Variants in NEK8 observed in about 807,000 individuals in gnomAD.
NEK8 encodes the protein NIMA related kinase 8.
A neutral mutation model predicts 77.2 loss-of-function variants in NEK8; 51 were observed. That is an observed-to-expected ratio of 0.66 (90% CI 0.53 to 0.83). The LOEUF is 0.83. NEK8 is among the 40% of genes least tolerant of loss of function. The pLI, the probability that NEK8 is intolerant of heterozygous loss-of-function variation, is 0.00. For missense variants in NEK8, 787 were observed against 909.2 expected (o/e 0.87, Z 1.73); for synonymous variants, 365 against 363.2 (o/e 1.00, Z -0.06).
chr17:28,735,063 C>T, intron 3 of NEK8, 59 bp downstream of exon 3: 3 of 1,514,382 alleles, frequency 2.0e-6, no homozygotes, highest in Non-Finnish European at 2.7e-6. Context: ...CAGGACCTAA[C>T]CCTGCCTCCT....
chr17:28,736,166 A>G lies in NEK8; in HGVS notation c.618+795A>G, dbSNP rs578192283. On this transcript the variant is annotated intron_variant, in intron 4 of 14. Coordinates refer to ENST00000268766, the MANE Select transcript of NEK8 (RefSeq NM_178170.3). ...TGTATGTGCCACGTTTTCTTAATCC[A>G]TCTATCATTGTTGGACATTTAGGTT... Among the ~76,000 whole-genome samples, 63 of 152,154 alleles carry G rather than the reference A, an allele frequency of 4.1e-4. 1 individual carries two copies. The highest frequency in any genetic ancestry group is 1.4e-3 in the African/African-American group (59 of 41,516).
chr17:28,741,292 T>C lies in NEK8; in HGVS notation c.1891+56T>C. ...TGCCATGAGCAGTGGGGGGTGGGGG[T>C]TGCTATTCAGGGCCACTGGACTCTG... On this transcript the variant is annotated intron_variant, in intron 13 of 14. Coordinates refer to ENST00000268766, the MANE Select transcript of NEK8 (RefSeq NM_178170.3). The surrounding 1 kb of genome is among the most constrained non-coding windows in gnomAD (Gnocchi z 4.5). 2 of 1,589,424 alleles carry C rather than the reference T, an allele frequency of 1.3e-6. No individual in the cohort carries two copies. The highest frequency in any genetic ancestry group is 8.6e-7 in the Non-Finnish European group (1 of 1,165,196).
intron 1 of NEK8, 83 bp downstream of exon 1, chr17:28,728,943 T>C (rs1311092002): frequency 1.6e-6 from 2 of 1,275,444 alleles, no homozygotes; most frequent in Admixed American, 4.0e-5. Flanking sequence ...GCCGCCCGCC[T>C]AATCCCGCCC....
rs2034412561 is a variant in NEK8 at position 28,740,764 on chromosome 17, C to T, written c.1569-58C>T. On this transcript the variant is annotated intron_variant, in intron 11 of 14. Transcript: ENST00000268766. The surrounding 1 kb of genome is among the most constrained non-coding windows in gnomAD (Gnocchi z 4.7). The stretch of plus-strand genomic sequence containing the variant: ...CCAGGGTGGGATCTGTCTCCTGGTG[C>T]ACCAGCTCCTGCCCAAACTGTCTGT... 2 of 1,603,708 alleles carry T rather than the reference C, an allele frequency of 1.2e-6. No individual in the cohort carries two copies. The highest frequency in any genetic ancestry group is 1.1e-5 in the South Asian group (1 of 90,864).
rs192081177 is a variant in NEK8, at chr17:28,741,522, G to A, written c.2001G>A (p.Thr667=). 459 of 1,614,124 alleles carry A rather than the reference G, an allele frequency of 2.8e-4. 3 individuals are homozygous for A. In the Admixed American group the frequency reaches 7.0e-3, roughly 25 times the overall value. ...AGTTGGATGAGACACACCCTTACAC[G>A]GTGACTTCCGTGTCCTGTTGCCATG... ...PVQLDETHPY[T]VTSVSCCHGN... Residue 667 remains threonine, a synonymous_variant, in exon 14 of 15, where the codon ACG becomes ACA. Transcript: ENST00000268766. This position sits in a 1 kb window ranked among gnomAD's most constrained non-coding sequence, Gnocchi z 4.5.
Position 28,737,167 on chromosome 17 carries a change from A to C in NEK8, c.619-139A>C. On this transcript the variant is annotated intron_variant, in intron 4 of 14. Transcript: ENST00000268766. The surrounding 1 kb of genome is among the most constrained non-coding windows in gnomAD (Gnocchi z 4.8). The stretch of plus-strand genomic sequence containing the variant: ...GTACCAGTACCATGCTGTTTTGGTT[A>C]CTGTAGCCTTGTAGTATAGTTTGAA... The C allele has an allele frequency of 2.4e-6, 2 of 820,776 alleles. No homozygotes were observed. Among genetic ancestry groups the C allele is most frequent in the Non-Finnish European group, 4.0e-6 (2 of 496,252 alleles). 50.8% of individuals were successfully genotyped at this position (820,776 alleles called of 1,614,324 possible). A position where few individuals can be genotyped will look rare whatever the true frequency, so the allele number is the denominator to read the frequency against.
intron 1 of NEK8, among the ~76,000 whole-genome samples, chr17:28,730,382 G>A (rs1271699728): frequency 1.4e-5 from 2 of 147,038 alleles, no homozygotes; most frequent in African/African-American, 2.5e-5. Flanking sequence ...CCCGCCTCCC[G>A]GGTTCAAGCA....
Position 28,737,728 on chromosome 17 carries a change from G to C in NEK8, c.881G>C (p.Arg294Pro). The change falls in exon 6 of 15, where the codon CGC becomes CCC. Residue 294 changes from arginine (R) to proline (P), a missense_variant. By Grantham distance (103) the Arg-to-Pro change is moderately radical (BLOSUM62 -2). This residue lies in a region of NEK8 where 516 missense variants were observed against 544.0 expected (regional missense o/e 0.95). Coordinates refer to ENST00000268766, the MANE Select transcript of NEK8 (RefSeq NM_178170.3). This position sits in a 1 kb window ranked among gnomAD's most constrained non-coding sequence, Gnocchi z 4.8. ...SNTGSRTTSV[R>P]CRGIPRGPVR... is the part of the protein sequence containing the mutation. ...ACAGGGAGCAGGACCACCAGTGTCCGCTGCAGAGGTAAGTGGGAAGAGGCC... is the reference window on the plus strand; with the variant it reads ...ACAGGGAGCAGGACCACCAGTGTCCCCTGCAGAGGTAAGTGGGAAGAGGCC... 6.2e-7 allele frequency: 1 copy of C among 1,614,106 alleles called. No homozygotes were observed. The highest frequency in any genetic ancestry group is 8.5e-7 in the Non-Finnish European group (1 of 1,180,004).
intron 2 of NEK8, 45 bp from the exon 3 acceptor site, chr17:28,734,727 T>C (rs182551451): frequency 2.1e-5 from 28 of 1,332,508 alleles, no homozygotes; most frequent in Middle Eastern, 3.6e-4. Flanking sequence ...GGGGTTGTCG[T>C]AGGTGTGAGA....
At chr17:28,730,554 G>A (rs933665125) in intron 1 of NEK8, among the ~76,000 whole-genome samples, 6 of 152,278 alleles carry the variant, frequency 3.9e-5, no homozygotes, top group Admixed American at 3.3e-4. Flanking sequence ...GATTACAGGC[G>A]TGAGCCACCA....
chr17:28,732,208 C>A (rs986807377), intron 1 of NEK8, among the ~76,000 whole-genome samples: 3 of 151,762 alleles, frequency 2.0e-5, no homozygotes, highest in Admixed American at 2.0e-4. Flanking sequence ...AATCCCAGCA[C>A]TTTGGGAGGC....
chr17:28,735,768 G>GTTTA (rs1022332111), intron 4 of NEK8, among the ~76,000 whole-genome samples: 1 of 149,932 alleles, frequency 6.7e-6, no homozygotes, highest in African/African-American at 2.5e-5. Context: ...AGCTGTTATT[G>GTTTA]TTTATTTATT....
chr17:28,735,514 T>A (rs1029253824), intron 4 of NEK8, 143 bp downstream of exon 4: 1 of 902,154 alleles, frequency 1.1e-6, no homozygotes, highest in African/African-American at 1.7e-5. Flanking sequence ...GCTATGGGTG[T>A]CCCTCAGACT....
Position 28,737,482 on chromosome 17 carries a change from C to T in NEK8, c.795C>T (p.Leu265=). 4 of 1,613,138 alleles carry T rather than the reference C, an allele frequency of 2.5e-6. No individual in the cohort carries two copies. Among genetic ancestry groups the T allele is most frequent in the Non-Finnish European group, 3.4e-6 (4 of 1,180,006 alleles). ...TCTGCATCCGTGCCCTCCTCAACCT[C>T]CACACCGACGTGGGCAGTGTCCGCA... is the stretch of plus-strand genomic sequence containing the variant. The part of the protein sequence containing the change: ...QPLCIRALLN[L]HTDVGSVRMR... The change falls in exon 5 of 15, where the codon CTC becomes CTT. Residue 265 remains leucine (L), a synonymous_variant. Transcript: ENST00000268766. This position sits in a 1 kb window ranked among gnomAD's most constrained non-coding sequence, Gnocchi z 4.8.
In NEK8 at chr17:28,741,376, C is replaced by T. The variant is rs74720755; in HGVS notation, c.1892-37C>T. Reference sequence around the variant, plus strand: ...GGGGAGATCCTGCTCGGGCTGTGCCCACTTCCCACTTCCCTCCTGGGGATT... The same window carrying T: ...GGGGAGATCCTGCTCGGGCTGTGCCTACTTCCCACTTCCCTCCTGGGGATT... On this transcript the variant is annotated intron_variant, in intron 13 of 14. Coordinates refer to ENST00000268766, the MANE Select transcript of NEK8 (RefSeq NM_178170.3). This position sits in a 1 kb window ranked among gnomAD's most constrained non-coding sequence, Gnocchi z 4.5. 9 of 1,609,490 alleles carry T rather than the reference C, an allele frequency of 5.6e-6. No homozygotes were observed. The East Asian group carries it at 6.7e-5, about 12-fold the overall frequency.
In NEK8 at chr17:28,739,083, G is replaced by T; in HGVS notation, c.1300-1G>T. ...TTCTCCTTGCTTCCTCTCCTCTCTA[G>T]CCCACCATTGTGGAGGCTTTGCTGG... On this transcript the variant is annotated splice_acceptor_variant, in intron 9 of 14. Coordinates refer to ENST00000268766, the MANE Select transcript of NEK8 (RefSeq NM_178170.3). LOFTEE classifies it high-confidence loss of function. 6.2e-7 allele frequency: 1 copy of T among 1,611,992 alleles called. No individual in the cohort carries two copies. The highest frequency in any genetic ancestry group is 8.5e-7 in the Non-Finnish European group (1 of 1,178,024).
At chr17:28,738,898 CG>C (rs2034393656) in intron 9 of NEK8, 151 bp downstream of exon 9, 4 of 826,294 alleles carry the variant, frequency 4.8e-6, no homozygotes, top group Non-Finnish European at 6.2e-6. Flanking sequence ...CCACCTACAT[CG>C]GGGAAAGTAC....
chr17:28,735,674 C>T (rs1174762770), intron 4 of NEK8, among the ~76,000 whole-genome samples: 2 of 152,110 alleles, frequency 1.3e-5, no homozygotes, highest in African/African-American at 4.8e-5. Context: ...GCTCCCCTAT[C>T]AGACTAGGGA....
At chr17:28,736,973 T>C (rs1225514902) in intron 4 of NEK8, among the ~76,000 whole-genome samples, 12 of 152,244 alleles carry the variant, frequency 7.9e-5, no homozygotes, top group Admixed American at 7.8e-4. Flanking sequence ...GGATCCAGTT[T>C]CAGCTTTCTA....
Sources: gnomAD v4.1 joint callset for allele counts (sites outside exome capture counted in the v4.1 genomes callset) on GRCh38, gnomAD v4.1.1 for gene constraint, gnomAD v4.1.1 regional missense constraint, Gnocchi (gnomAD v3.1) non-coding constraint, MANE v1.5 for transcripts, NCBI Gene and HGNC (gene_info 2026-07-23, HGNC 2026-07-21) for gene names.